The following PAX7 variants were observed in gnomAD, a reference collection of about 807,000 sequenced individuals.
PAX7 encodes the protein paired box protein Pax-7.
In PAX7, 18 loss-of-function variants were observed where a neutral mutation model predicts 50.7. The ratio of observed to expected loss-of-function variants is 0.36; its 90% CI spans 0.25 to 0.53. The LOEUF (loss-of-function observed/expected upper bound fraction) is 0.53. Among genes scored for constraint, PAX7 ranks in the 20% least tolerant of loss-of-function variants. The pLI is 0.93. For synonymous variants in PAX7, 310 were observed against 290.4 expected, an observed-to-expected ratio of 1.07 and a Z score of -0.69; for missense variants, 644 against 702.9, an observed-to-expected ratio of 0.92 and a Z score of 0.95.
At chr1:18,650,973 A>G (rs774811180) in intron 4 of PAX7, among the ~76,000 whole-genome samples, 11 of 152,086 alleles carry the variant, frequency 7.2e-5, no homozygotes, top group Admixed American at 3.9e-4. Context: ...GGTCTCCCAG[A>G]CACTCACTGT....
At chr1:18,677,045 C>A (rs1305805215) in intron 4 of PAX7, among the ~76,000 whole-genome samples, 3 of 152,228 alleles carry the variant, frequency 2.0e-5, no homozygotes, top group Admixed American at 6.5e-5. Context: ...CCCCTCTGGG[C>A]AAGGTGAAGA....
At chr1:18,676,579 A>G (rs1049639910) in intron 4 of PAX7, among the ~76,000 whole-genome samples, 3 of 151,966 alleles carry the variant, frequency 2.0e-5, no homozygotes, top group Admixed American at 6.6e-5. Flanking sequence ...TAAGAGGAAA[A>G]GAGGGGGATT....
At chr1:18,712,461 C>T (rs540524749) in intron 7 of PAX7, among the ~76,000 whole-genome samples, 1 of 152,054 alleles carries the variant, frequency 6.6e-6, no homozygotes, top group East Asian at 1.9e-4. Context: ...ACCCCTTTTT[C>T]CTGGGTGGAG....
intron 4 of PAX7, among the ~76,000 whole-genome samples, chr1:18,668,856 C>G (rs371814582): frequency 3.7e-4 from 56 of 152,354 alleles, no homozygotes; most frequent in Admixed American, 1.2e-3. Flanking sequence ...AGGAGGGCTG[C>G]CTTTGTCCTG....
Position 18,700,768 on chromosome 1 carries a change from C to T in PAX7, c.902C>T (p.Pro301Leu). Residue 301 changes from proline (P) to leucine (L), a missense_variant, in exon 6 of 9, where the codon CCC (proline) becomes CTC (leucine). Physicochemically the swap from Pro to Leu is moderately conservative, Grantham distance 98. Coordinates refer to ENST00000420770, the MANE Select transcript of PAX7 (RefSeq NM_001135254.2). This position sits in a 1 kb window ranked among gnomAD's most constrained non-coding sequence, Gnocchi z 4.8. The stretch of plus-strand genomic sequence containing the variant: ...CCACCCACCGGCATGCCCACGCTGC[C>T]CCCCTACCAGCTGCCGGACTCCACC... ...GFPPTGMPTL[P>L]PYQLPDSTYP... is the part of the protein sequence containing the mutation. The T allele has an allele frequency of 6.3e-7, 1 of 1,588,820 alleles. No individual in the cohort carries two copies. The highest frequency in any genetic ancestry group is 8.6e-7 in the Non-Finnish European group (1 of 1,168,478).
intron 7 of PAX7, among the ~76,000 whole-genome samples, chr1:18,732,266 A>T (rs2089655637): frequency 6.6e-6 from 1 of 152,182 alleles, no homozygotes; most frequent in Non-Finnish European, 1.5e-5. Flanking sequence ...CTCCAGGAGG[A>T]CATGGGATTG....
Position 18,735,595 on chromosome 1 carries a change from T to C in PAX7, c.1156-37T>C. ...AGTGTGCTCGTGTCTCTGGGGTCTGTCCGGTGAGCCTGGCACTAATGGCCT... is the reference window on the plus strand; with the variant it reads ...AGTGTGCTCGTGTCTCTGGGGTCTGCCCGGTGAGCCTGGCACTAATGGCCT... On this transcript the variant is annotated intron_variant, in intron 7 of 8. Transcript: ENST00000420770. The surrounding 1 kb of genome is among the most constrained non-coding windows in gnomAD (Gnocchi z 4.0). 1 of 1,584,470 alleles carries C rather than the reference T, an allele frequency of 6.3e-7. No homozygotes were observed. The highest frequency in any genetic ancestry group is 8.6e-7 in the Non-Finnish European group (1 of 1,161,526).
At chr1:18,715,321 G>A (rs981254925) in intron 7 of PAX7, among the ~76,000 whole-genome samples, 2 of 152,192 alleles carry the variant, frequency 1.3e-5, no homozygotes, top group African/African-American at 4.8e-5. Flanking sequence ...TACATTAAAT[G>A]TATATATTGA....
intron 4 of PAX7, among the ~76,000 whole-genome samples, chr1:18,664,564 C>T (rs2088641021): frequency 6.6e-6 from 1 of 152,196 alleles, no homozygotes; most frequent in Non-Finnish European, 1.5e-5. Flanking sequence ...AGCTGTGATC[C>T]TCACAGCCCT....
chr1:18,713,199 A>G (rs2100349820), intron 7 of PAX7, among the ~76,000 whole-genome samples: 1 of 152,254 alleles, frequency 6.6e-6, no homozygotes, highest in South Asian at 2.1e-4. Flanking sequence ...GCCCCTTTAC[A>G]CAGATGGAGT....
chr1:18,722,606 C>T (rs374667385), intron 7 of PAX7, among the ~76,000 whole-genome samples: 2 of 152,276 alleles, frequency 1.3e-5, no homozygotes, highest in South Asian at 2.1e-4. Flanking sequence ...ATGGAGCCTG[C>T]GTTCCCTGCC....
At chr1:18,652,032 C>T (rs1393990499) in intron 4 of PAX7, among the ~76,000 whole-genome samples, 4 of 152,112 alleles carry the variant, frequency 2.6e-5, no homozygotes, top group African/African-American at 9.6e-5. Flanking sequence ...GGGATTAACA[C>T]TCAGGTAAAC....
At chr1:18,738,508 G>A (rs1930925685) in intron 8 of PAX7, among the ~76,000 whole-genome samples, 1 of 152,066 alleles carries the variant, frequency 6.6e-6, no homozygotes, top group African/African-American at 2.4e-5. Context: ...CCTCTTGCTT[G>A]GACAAAGCCA....
Position 18,634,074 on chromosome 1 carries a change from C to T in PAX7, c.86-229C>T, listed in dbSNP as rs138105865. On this transcript the variant is annotated intron_variant, in intron 1 of 8. Coordinates refer to ENST00000420770, the MANE Select transcript of PAX7 (RefSeq NM_001135254.2). The surrounding 1 kb of genome is among the most constrained non-coding windows in gnomAD (Gnocchi z 4.0). ...GGGGGACACAGCATCTGGGGAGACT[C>T]TTGCAGCTGTGACTCCTCTATCCAT... 6.6e-6 allele frequency among the ~76,000 whole-genome samples: 1 copy of T among 152,202 alleles called. No individual in the cohort carries two copies. Among genetic ancestry groups the T allele is most frequent in the African/African-American group, 2.4e-5 (1 of 41,448 alleles).
intron 7 of PAX7, among the ~76,000 whole-genome samples, chr1:18,713,198 C>T (rs144583768): frequency 6.6e-6 from 1 of 152,238 alleles, no homozygotes; most frequent in Non-Finnish European, 1.5e-5. Context: ...TGCCCCTTTA[C>T]ACAGATGGAG....
intron 4 of PAX7, among the ~76,000 whole-genome samples, chr1:18,661,018 C>T (rs1362694812): frequency 6.6e-6 from 1 of 152,092 alleles, no homozygotes; most frequent in Non-Finnish European, 1.5e-5. Context: ...GTAAAAAGCA[C>T]ACACGCATGC....
intron 4 of PAX7, among the ~76,000 whole-genome samples, chr1:18,644,948 G>A (rs1402329386): frequency 6.6e-6 from 1 of 152,198 alleles, no homozygotes; most frequent in Non-Finnish European, 1.5e-5. Flanking sequence ...TGTGTTAAGT[G>A]ACCTCAAGAA....
chr1:18,669,605 G>C (rs2088714238), intron 4 of PAX7, among the ~76,000 whole-genome samples: 1 of 152,146 alleles, frequency 6.6e-6, no homozygotes, highest in African/African-American at 2.4e-5. Context: ...TTTTGATGCA[G>C]AGAGGATGTC....
chr1:18,698,960 T>G (rs2089182279), intron 5 of PAX7, among the ~76,000 whole-genome samples: 1 of 152,134 alleles, frequency 6.6e-6, no homozygotes, highest in Non-Finnish European at 1.5e-5. Flanking sequence ...GCCCAGAGAT[T>G]TGGGGGTCTT....
Sources: gnomAD v4.1 joint callset for allele counts (sites outside exome capture counted in the v4.1 genomes callset) on GRCh38, gnomAD v4.1.1 for gene constraint, Gnocchi (gnomAD v3.1) non-coding constraint, MANE v1.5 for transcripts, NCBI Gene and HGNC (gene_info 2026-07-23, HGNC 2026-07-21) for gene names.